Variants in CD3G observed in about 807,000 individuals in gnomAD.
The protein encoded by CD3G is CD3 gamma subunit of T-cell receptor complex, also known as T-cell surface glycoprotein CD3 gamma chain.
CD3G carries 24 observed loss-of-function variants against 28.3 expected under a neutral mutation model. The observed-to-expected ratio is 0.85, with a 90% CI of 0.61 to 1.19. CD3G has a LOEUF of 1.19. Among genes scored for constraint, CD3G ranks in the 50% most tolerant of loss-of-function variants. The probability of loss-of-function intolerance (pLI) is 0.00; values close to 1 mark genes in which losing one functional copy is unlikely to be tolerated. For missense variants in CD3G, 211 were observed against 210.0 expected (o/e 1.00, Z -0.03); for synonymous variants, 71 against 75.9 (o/e 0.93, Z 0.34).
intron 1 of CD3G, 61 bp from the exon 2 acceptor site, chr11:118,348,962 ATACT>A: frequency 6.4e-7 from 1 of 1,560,170 alleles, no homozygotes; most frequent in Non-Finnish European, 8.8e-7. Context: ...AACCATGGAA[ATACT>A]TCAGGGCATC....
intron 2 of CD3G, 28 bp downstream of exon 2, chr11:118,349,078 C>G: frequency 6.2e-7 from 1 of 1,614,104 alleles, no homozygotes; most frequent in Non-Finnish European, 8.5e-7. Context: ...TTTCTATACT[C>G]AGACTCAGAA....
intron 5 of CD3G, 25 bp downstream of exon 5, chr11:118,351,696 A>G (rs540902875): frequency 1.1e-5 from 17 of 1,610,292 alleles, no homozygotes; most frequent in South Asian, 9.9e-5. Context: ...AATAAAAGAG[A>G]CATTGCTGTA....
chr11:118,347,745 A>C (rs1353355015), intron 1 of CD3G, among the ~76,000 whole-genome samples: 1 of 152,082 alleles, frequency 6.6e-6, no homozygotes, highest in Non-Finnish European at 1.5e-5. Flanking sequence ...CCACCTCCTG[A>C]GTAGCTGGGA....
chr11:118,349,349 G>A (rs1285960299), intron 2 of CD3G: 11 of 1,241,762 alleles, frequency 8.9e-6, no homozygotes, highest in East Asian at 3.0e-5. Context: ...GGATCCTGAC[G>A]TTAGTCTCTG....
At chr11:118,344,608 G>A in intron 1 of CD3G, 130 bp downstream of exon 1, 1 of 787,566 alleles carries the variant, frequency 1.3e-6, no homozygotes, top group Non-Finnish European at 2.2e-6. Flanking sequence ...TTCAAAGAAG[G>A]GCAAAATGGA....
At chr11:118,351,380 G>A (rs1309652499) in intron 4 of CD3G, among the ~76,000 whole-genome samples, 1 of 152,046 alleles carries the variant, frequency 6.6e-6, no homozygotes, top group Non-Finnish European at 1.5e-5. Context: ...CCATCCTCAA[G>A]AGTGAGCATT....
At chr11:118,350,931 G>A (rs1435896286) in intron 4 of CD3G, 3 of 1,198,176 alleles carry the variant, frequency 2.5e-6, no homozygotes, top group African/African-American at 3.2e-5. Flanking sequence ...GCTCACGCCT[G>A]TAATCACAAC....
At chr11:118,344,807 C>T (rs1011372187) in intron 1 of CD3G, among the ~76,000 whole-genome samples, 6 of 152,356 alleles carry the variant, frequency 3.9e-5, no homozygotes, top group African/African-American at 1.4e-4. Context: ...ATGTTCCCTA[C>T]TTCAGAGCTG....
intron 1 of CD3G, 40 bp downstream of exon 1, chr11:118,344,518 T>C (rs1364244156): frequency 6.0e-6 from 9 of 1,496,436 alleles, no homozygotes; most frequent in Non-Finnish European, 9.1e-7. Context: ...GGGGAAGGGC[T>C]CAAGGGAAGA....
At chr11:118,344,872 A>G (rs560550773) in intron 1 of CD3G, among the ~76,000 whole-genome samples, 10 of 152,374 alleles carry the variant, frequency 6.6e-5, no homozygotes, top group Non-Finnish European at 1.2e-4. Context: ...CAGTTGGCCA[A>G]TTGGTCAACA....
chr11:118,353,904 T>A lies in CD3G; in HGVS notation c.*804T>A, dbSNP rs1948430217. The A allele has an allele frequency of 6.6e-6, 1 of 152,170 alleles. No individual in the cohort carries two copies. The highest frequency in any genetic ancestry group is 2.4e-5 in the African/African-American group (1 of 41,434). 9.4% of individuals were successfully genotyped at this position (152,170 alleles called of 1,614,324 possible). A position where few individuals can be genotyped will look rare whatever the true frequency, so the allele number is the denominator to read the frequency against. The stretch of plus-strand genomic sequence containing the variant: ...TGAGCACATTCTCAAGTACATATTA[T>A]CCTCCCTTCCCCTATCTTTTAGACA... On this transcript the variant is annotated 3_prime_UTR_variant, in exon 7 of 7. Transcript: ENST00000532917.
rs546423921 is a variant in CD3G, at chr11:118,351,755, T to C, written c.483+84T>C. 6 of 1,285,012 alleles carry C rather than the reference T, an allele frequency of 4.7e-6. No homozygotes were observed. In the African/African-American group the frequency reaches 5.8e-5, roughly 13 times the overall value. 79.6% of individuals were successfully genotyped at this position (1,285,012 alleles called of 1,614,324 possible). On this transcript the variant is annotated intron_variant, in intron 5 of 6. Coordinates refer to ENST00000532917, the MANE Select transcript of CD3G (RefSeq NM_000073.3). ...ATTGAGGGGCATGTTATTTGGAAGA[T>C]CCTATACAGGTAAGAAACTGCTAAC...
chr11:118,350,725 C>T, intron 4 of CD3G, 42 bp downstream of exon 4: 3 of 1,612,902 alleles, frequency 1.9e-6, no homozygotes, highest in Non-Finnish European at 2.5e-6. Flanking sequence ...CCACCTGAGA[C>T]CCTCAGCTTT....
intron 4 of CD3G, chr11:118,350,960 G>A (rs1255445511): frequency 1.5e-4 from 145 of 936,190 alleles, no homozygotes; most frequent in Non-Finnish European, 1.9e-4. Flanking sequence ...AGGCCGAGGC[G>A]GGCAGATCAC....
chr11:118,352,277 T>C lies in CD3G; in HGVS notation c.484-127T>C, dbSNP rs887375522. 6.1e-6 allele frequency: 5 copies of C among 814,586 alleles called. 1 individual carries two copies. The allele number at this position is 814,586 out of a possible 1,614,324, so 50.5% of individuals were successfully genotyped here. ...ACAGAGCCTCCATCTCCTTGTCCTC[T>C]TTCCATCCTCAGGACCATGAAGTAC... On this transcript the variant is annotated intron_variant, in intron 5 of 6. Coordinates refer to ENST00000532917, the MANE Select transcript of CD3G (RefSeq NM_000073.3).
intron 4 of CD3G, 154 bp downstream of exon 4, chr11:118,350,837 ACTTGGTGTTATCACAGCATGTT>A: frequency 6.8e-7 from 1 of 1,478,972 alleles, no homozygotes; most frequent in South Asian, 1.2e-5. Context: ...GAGAAAGGAT[ACTTGGTGTTATCACAGCATGTT>A]CACCTGTCTC....
chr11:118,344,395 C>T lies in CD3G; in HGVS notation c.-29C>T, dbSNP rs1176629084. ...GCTGGCTGGCTGCTAAGGGCTGCTCCACGCTTTTGCCGGAGGACAGAGACT... is the reference window on the plus strand; with the variant it reads ...GCTGGCTGGCTGCTAAGGGCTGCTCTACGCTTTTGCCGGAGGACAGAGACT... On this transcript the variant is annotated 5_prime_UTR_variant, in exon 1 of 7. Coordinates refer to ENST00000532917, the MANE Select transcript of CD3G (RefSeq NM_000073.3). 1.3e-6 allele frequency: 2 copies of T among 1,555,834 alleles called. No individual in the cohort carries two copies. Among genetic ancestry groups the T allele is most frequent in the East Asian group, 2.4e-5 (1 of 41,730 alleles).
Position 118,354,797 on chromosome 11 carries a change from TTTAAG to T in CD3G, c.*1700_*1704del, listed in dbSNP as rs1392623590. On this transcript the variant is annotated 3_prime_UTR_variant, in exon 7 of 7. Transcript: ENST00000532917. ...ATGTGTATCAAATCTTTTGCCCATT[TTTAAG>T]TTGACTTATTTGTTTGTCTTCTTAC... The T allele has an allele frequency of 6.6e-6, 1 of 152,214 alleles. No individual in the cohort carries two copies. The highest frequency in any genetic ancestry group is 1.5e-5 in the Non-Finnish European group (1 of 68,034). 9.4% of individuals were successfully genotyped at this position (152,214 alleles called of 1,614,324 possible).
chr11:118,348,142 C>A (rs966846283), intron 1 of CD3G, among the ~76,000 whole-genome samples: 1 of 152,114 alleles, frequency 6.6e-6, no homozygotes, highest in African/African-American at 2.4e-5. Flanking sequence ...ACATATACTA[C>A]AATACAATTC....
Sources: gnomAD v4.1 joint callset for allele counts (sites outside exome capture counted in the v4.1 genomes callset) on GRCh38, gnomAD v4.1.1 for gene constraint, MANE v1.5 for transcripts, NCBI Gene and HGNC (gene_info 2026-07-23, HGNC 2026-07-21) for gene names.